TLE4: variants seen among roughly 807,000 people sequenced by gnomAD.
TLE4 encodes the protein TLE family member 4, transcriptional corepressor.
In TLE4, 8 loss-of-function variants were observed where a neutral mutation model predicts 92.8. The observed-to-expected ratio is 0.09, with a 90% CI of 0.05 to 0.16. The LOEUF is 0.16. Among genes scored for constraint, TLE4 ranks in the 10% least tolerant of loss-of-function variants. The pLI is 1.00. For synonymous variants in TLE4, 371 were observed against 374.1 expected, an observed-to-expected ratio of 0.99 and a Z score of 0.10; for missense variants, 675 against 997.6, an observed-to-expected ratio of 0.68 and a Z score of 4.36.
chr9:79,710,319 A>T (rs1043457468), intron 14 of TLE4, among the ~76,000 whole-genome samples: 1 of 152,196 alleles, frequency 6.6e-6, no homozygotes, highest in African/African-American at 2.4e-5. Flanking sequence ...AATTGGCTTC[A>T]TCTTCCCAGA....
chr9:79,708,976 C>T (rs1588504862), intron 13 of TLE4, among the ~76,000 whole-genome samples, 190 bp downstream of exon 13: 3 of 152,250 alleles, frequency 2.0e-5, no homozygotes, highest in African/African-American at 7.2e-5. Flanking sequence ...GAAAAAACAG[C>T]ATGCGCCACC....
intron 8 of TLE4, among the ~76,000 whole-genome samples, chr9:79,669,222 G>C (rs1414232712): frequency 6.6e-6 from 1 of 152,118 alleles, no homozygotes; most frequent in Non-Finnish European, 1.5e-5. Context: ...AGGTGGTTAG[G>C]CTTCAGAGAT....
chr9:79,657,160 C>A (rs2059898185), intron 8 of TLE4, among the ~76,000 whole-genome samples: 1 of 152,152 alleles, frequency 6.6e-6, no homozygotes, highest in Non-Finnish European at 1.5e-5. Context: ...AGCCATGGCA[C>A]CTGCAGCCTT....
chr9:79,708,271 T>C, intron 12 of TLE4, 21 bp downstream of exon 12: 1 of 1,610,930 alleles, frequency 6.2e-7, no homozygotes, highest in South Asian at 1.1e-5. Context: ...AAAAAGTTTT[T>C]TCTATATTTT....
intron 5 of TLE4, among the ~76,000 whole-genome samples, chr9:79,615,774 A>G (rs1285659133): frequency 6.6e-6 from 1 of 152,184 alleles, no homozygotes; most frequent in Non-Finnish European, 1.5e-5. Flanking sequence ...AAATCACAGA[A>G]AAATATTTTC....
intron 8 of TLE4, among the ~76,000 whole-genome samples, chr9:79,677,778 G>C (rs1254535713): frequency 6.6e-6 from 1 of 151,910 alleles, no homozygotes; most frequent in Non-Finnish European, 1.5e-5. Flanking sequence ...TTGTAGGCTT[G>C]TCATTGTTTT....
chr9:79,675,747 A>G (rs1165164402), intron 8 of TLE4, among the ~76,000 whole-genome samples: 1 of 152,152 alleles, frequency 6.6e-6, no homozygotes, highest in Non-Finnish European at 1.5e-5. Flanking sequence ...CCTCAGCTTT[A>G]CATTAGGGAG....
At chr9:79,617,851 T>C (rs953896257) in intron 5 of TLE4, among the ~76,000 whole-genome samples, 1 of 149,972 alleles carries the variant, frequency 6.7e-6, no homozygotes, top group Non-Finnish European at 1.5e-5. Flanking sequence ...AAAAAAAAGC[T>C]TGTTTCTCTC....
At chr9:79,719,689 G>T (rs945958954) in intron 15 of TLE4, among the ~76,000 whole-genome samples, 2 of 152,148 alleles carry the variant, frequency 1.3e-5, no homozygotes, top group Non-Finnish European at 2.9e-5. Flanking sequence ...GTCTACCAAG[G>T]TTCCAAGTTT....
At chr9:79,692,970 T>G (rs970031236) in intron 8 of TLE4, among the ~76,000 whole-genome samples, 5 of 152,054 alleles carry the variant, frequency 3.3e-5, no homozygotes, top group Non-Finnish European at 1.5e-5. Flanking sequence ...CCCCAAGGGG[T>G]TAACTTGCTA....
chr9:79,664,881 T>A (rs1015283650), intron 8 of TLE4, among the ~76,000 whole-genome samples: 16 of 152,208 alleles, frequency 1.1e-4, no homozygotes, highest in Non-Finnish European at 1.9e-4. Context: ...TTTCTCTTTG[T>A]GCCTCCCTTT....
intron 8 of TLE4, among the ~76,000 whole-genome samples, chr9:79,674,027 A>G (rs934289250): frequency 1.6e-4 from 25 of 152,164 alleles, no homozygotes; most frequent in African/African-American, 5.8e-4. Context: ...TAGTCCTCCC[A>G]GGCTTCAGGC....
At chr9:79,644,758 T>A (rs553245835) in intron 6 of TLE4, among the ~76,000 whole-genome samples, 1 of 152,342 alleles carries the variant, frequency 6.6e-6, no homozygotes, top group East Asian at 1.9e-4. Flanking sequence ...GTCTGTTGCC[T>A]CTTCCTTTTT....
Position 79,657,075 on chromosome 9 carries a change from G to A in TLE4, c.609+3000G>A, listed in dbSNP as rs1323494105. Among the ~76,000 whole-genome samples, 5 of 152,294 alleles carry A rather than the reference G, an allele frequency of 3.3e-5. No homozygotes were observed. The South Asian group carries it at 6.2e-4, about 19-fold the overall frequency. On this transcript the variant is annotated intron_variant, in intron 8 of 19. Transcript: ENST00000376552. ...ATATGGATCTAAAGGAGAAAACACTGTAGGAGCCCAAGAATCAGTTTCCTT... is the reference window on the plus strand; with the variant it reads ...ATATGGATCTAAAGGAGAAAACACTATAGGAGCCCAAGAATCAGTTTCCTT...
At chr9:79,691,619 AC>A (rs2067104713) in intron 8 of TLE4, among the ~76,000 whole-genome samples, 1 of 151,890 alleles carries the variant, frequency 6.6e-6, no homozygotes, top group Non-Finnish European at 1.5e-5. Context: ...CCACGTCAGC[AC>A]CCAGTCCTCC....
At chr9:79,658,900 G>A (rs115590536) in intron 8 of TLE4, among the ~76,000 whole-genome samples, 1,611 of 152,250 alleles carry the variant, frequency 0.011, 36 homozygotes, top group African/African-American at 0.036. Flanking sequence ...GGTATCTTCT[G>A]TTTTCCCCTC....
chr9:79,573,292 C>G (rs958660333), intron 1 of TLE4: 1 of 1,031,334 alleles, frequency 9.7e-7, no homozygotes, highest in Non-Finnish European at 1.2e-6. Flanking sequence ...AGGGTGGCGG[C>G]CGCCTCCCTC....
At chr9:79,626,414 C>T (rs1409330684) in intron 5 of TLE4, among the ~76,000 whole-genome samples, 2 of 152,138 alleles carry the variant, frequency 1.3e-5, no homozygotes, top group East Asian at 1.9e-4. Flanking sequence ...TGTTTCACGG[C>T]GCAGTTCCTT....
At chr9:79,696,174 A>T (rs1010740282) in intron 8 of TLE4, among the ~76,000 whole-genome samples, 4 of 152,168 alleles carry the variant, frequency 2.6e-5, no homozygotes, top group African/African-American at 9.7e-5. Context: ...ATGTCACATA[A>T]TTTTCATATT....
Sources: allele counts gnomAD v4.1 joint callset (sites outside exome capture counted in the v4.1 genomes callset), GRCh38; gene constraint gnomAD v4.1.1; transcripts MANE v1.5; gene names NCBI Gene and HGNC (gene_info 2026-07-23, HGNC 2026-07-21).